Variants in NBPF14 observed in about 807,000 individuals in gnomAD.
NBPF14 encodes NBPF member 14, also known as NBPF family member NBPF14.
In NBPF14, 104 loss-of-function variants were observed where a neutral mutation model predicts 91.2. The ratio of observed to expected loss-of-function variants is 1.14; its 90% confidence interval spans 0.97 to 1.34. The LOEUF is 1.34. Ranked by LOEUF, NBPF14 falls within the 40% of genes most tolerant of loss-of-function variation. The probability of loss-of-function intolerance (pLI) is 0.00; values close to 1 mark genes in which losing one functional copy is unlikely to be tolerated. For synonymous variants in NBPF14, 294 were observed against 303.8 expected (o/e 0.97, Z 0.34); for missense variants, 908 against 783.0 (o/e 1.16, Z -1.91).
At chr1:148,586,829 A>G (rs1661611635) in intron 8 of NBPF14, among the ~76,000 whole-genome samples, 1 of 139,272 alleles carries the variant, frequency 7.2e-6, no homozygotes, top group Non-Finnish European at 1.6e-5. Context: ...CACTAGATAC[A>G]AAGCCATGTA....
intron 14 of NBPF14, among the ~76,000 whole-genome samples, 200 bp from the exon 15 acceptor site, chr1:148,577,555 C>T (rs1313260890): frequency 1.3e-5 from 2 of 149,940 alleles, no homozygotes; most frequent in African/African-American, 5.0e-5. Flanking sequence ...CACACACACA[C>T]ACACACACAC....
chr1:148,572,816 AGAGAC>A (rs1659342610), intron 20 of NBPF14, among the ~76,000 whole-genome samples: 3 of 44,984 alleles, frequency 6.7e-5, no homozygotes, highest in Admixed American at 2.5e-4. Context: ...AGACAGAGAC[AGAGAC>A]AGAGACAGAG....
At chr1:148,577,569 C>T (rs1226114029) in intron 14 of NBPF14, among the ~76,000 whole-genome samples, 2 of 150,970 alleles carry the variant, frequency 1.3e-5, no homozygotes, top group East Asian at 3.9e-4. Flanking sequence ...CACACACACA[C>T]ACACACACTC....
At chr1:148,553,447 C>T (rs1204682871) in intron 45 of NBPF14, 93 bp downstream of exon 45, 3 of 145,696 alleles carry the variant, frequency 2.1e-5, no homozygotes, top group Non-Finnish European at 3.0e-5. Flanking sequence ...GCAATGACGT[C>T]TCTCGGGTCA....
Position 148,566,377 on chromosome 1 carries a change from C to T in NBPF14, c.3543-62G>A, listed in dbSNP as rs1183345300. The T allele has an allele frequency of 5.4e-6, 4 of 743,906 alleles. No homozygotes were observed. In the African/African-American group the frequency reaches 5.5e-5, roughly 10 times the overall value. 46.1% of individuals were successfully genotyped at this position (743,906 alleles called of 1,614,324 possible). A position where few individuals can be genotyped will look rare whatever the true frequency, so the allele number is the denominator to read the frequency against. ...GAAATCAGACACAACAGAGCCTCAACTAGGTTTCATGGGTAGCATAGGGAA... is the reference window on the plus strand; with the variant it reads ...GAAATCAGACACAACAGAGCCTCAATTAGGTTTCATGGGTAGCATAGGGAA... On this transcript the variant is annotated intron_variant, in intron 28 of 70. Transcript: ENST00000619423.
At position 148,560,260 on chromosome 1, in the gene NBPF14, G is replaced by T. The variant is rs1362446198; in HGVS notation, c.4557-295C>A. On this transcript the variant is annotated intron_variant, in intron 36 of 70. Transcript: ENST00000619423. ...GTAAGGGAGTCAAAGGACACTCTGA[G>T]TTAGTGCCCTCATGACACACAGCAA... 4.4e-5 allele frequency among the ~76,000 whole-genome samples: 6 copies of T among 135,320 alleles called. No individual in the cohort carries two copies. The South Asian group carries it at 7.0e-4, about 16-fold the overall frequency. 88.8% of individuals were successfully genotyped at this position (135,320 alleles called of 152,430 possible).
At chr1:148,577,479 G>T in intron 14 of NBPF14, 124 bp from the exon 15 acceptor site, 1 of 691,058 alleles carries the variant, frequency 1.4e-6, no homozygotes, top group Non-Finnish European at 2.7e-6. Context: ...CATTAATGAG[G>T]TAACAAATTA....
rs1443957562 is a variant in NBPF14, at chr1:148,575,961, G to C, written c.2079-150C>G. On this transcript the variant is annotated intron_variant, in intron 16 of 70. Coordinates refer to ENST00000619423, the Ensembl canonical transcript of NBPF14. The stretch of plus-strand genomic sequence containing the variant: ...TAATGAATTATTGCCTTTATGTTGG[G>C]ATAGACCAGGGCCAGGTAGAAAAGA... 9 of 552,166 alleles carry C rather than the reference G, an allele frequency of 1.6e-5. No individual in the cohort carries two copies. The African/African-American group carries it at 2.0e-4, about 12-fold the overall frequency. 34.2% of individuals were successfully genotyped at this position (552,166 alleles called of 1,614,324 possible). A position where few individuals can be genotyped will look rare whatever the true frequency, so the allele number is the denominator to read the frequency against.
At position 148,559,755 on chromosome 1, in the gene NBPF14, T is replaced by A. The variant is rs1474510306; in HGVS notation, c.4729+38A>T. ...AGGAATATGACCCTAACCAGAAGAC[T>A]CAGTGGATCCTTATCACCTTCATAG... On this transcript the variant is annotated intron_variant, in intron 37 of 70. Transcript: ENST00000619423. 16 of 1,158,586 alleles carry A rather than the reference T, an allele frequency of 1.4e-5. 3 individuals are homozygous for A. In the East Asian group the frequency reaches 4.2e-4, roughly 30 times the overall value. The allele number at this position is 1,158,586 out of a possible 1,614,324, so 71.8% of individuals were successfully genotyped here.
In NBPF14 at chr1:148,592,714, C is replaced by A. The variant is rs1162988206; in HGVS notation, c.331G>T (p.Glu111Ter). ...GCATCTCTCCCTTCCCGTAACTTCT[C>A]CCTTAGCTGGGTCAGCTCTCGTTCC... is the stretch of plus-strand genomic sequence containing the variant. The change falls in exon 4 of 71, where the codon GAG becomes TAG. Residue 111 changes from glutamate to a stop codon, truncating the protein, a stop_gained. Transcript: ENST00000619423. LOFTEE classifies it high-confidence loss of function. 4.1e-4 allele frequency: 647 copies of A among 1,586,664 alleles called. 57 individuals are homozygous for A. Among genetic ancestry groups the A allele is most frequent in the Middle Eastern group, 1.8e-3 (8 of 4,380 alleles).
intron 14 of NBPF14, 105 bp from the exon 15 acceptor site, chr1:148,577,460 G>T (rs1242588548): frequency 4.4e-6 from 3 of 676,178 alleles, no homozygotes; most frequent in Middle Eastern, 3.9e-4. Context: ...AAAAGAAAAA[G>T]GACAGATCCA....
intron 8 of NBPF14, among the ~76,000 whole-genome samples, chr1:148,586,996 C>T (rs1661651088): frequency 3.4e-5 from 5 of 146,354 alleles, no homozygotes; most frequent in African/African-American, 9.9e-5. Context: ...GGTGATGGCA[C>T]ACCATTTTGA....
Position 148,595,287 on chromosome 1 carries a change from T to C in NBPF14, c.175+256A>G. Among the ~76,000 whole-genome samples, 2 of 148,058 alleles carry C rather than the reference T, an allele frequency of 1.4e-5. 1 individual carries two copies. The highest frequency in any genetic ancestry group is 3.0e-5 in the Non-Finnish European group (2 of 66,564). On this transcript the variant is annotated intron_variant, in intron 2 of 70. Coordinates refer to ENST00000619423, the Ensembl canonical transcript of NBPF14. Reference sequence around the variant, plus strand: ...GAGCCCCTTGGAGAAAACAGGTCATTCTGTGCCTGCGTTAGAAATCAATAA... The same window carrying C: ...GAGCCCCTTGGAGAAAACAGGTCATCCTGTGCCTGCGTTAGAAATCAATAA...
At chr1:148,566,576 A>T (rs1658438037) in intron 28 of NBPF14, among the ~76,000 whole-genome samples, 3 of 143,638 alleles carry the variant, frequency 2.1e-5, no homozygotes, top group Non-Finnish European at 4.7e-5. Flanking sequence ...GAGCTCAGTG[A>T]ATTGTCCAGG....
chr1:148,534,690 C>G (rs1347398943), exon 69 of NBPF14: 8 of 817,172 alleles, frequency 9.8e-6, no homozygotes, highest in African/African-American at 5.2e-5. Context: ...TCACTGTCCA[C>G]GTCAAGAGCC....
chr1:148,534,788 G>A (rs1392271444), exon 69 of NBPF14: 25 of 878,252 alleles, frequency 2.8e-5, no homozygotes, highest in Admixed American at 1.2e-4. Flanking sequence ...TGAAGGAGTC[G>A]AATAACATCT....
intron 69 of NBPF14, among the ~76,000 whole-genome samples, chr1:148,534,303 C>A (rs1350529602): frequency 1.3e-5 from 2 of 151,744 alleles, no homozygotes; most frequent in Non-Finnish European, 2.9e-5. Flanking sequence ...ATATTTAGCC[C>A]TGTCTCATCA....
At chr1:148,578,961 C>G (rs1660508086) in intron 13 of NBPF14, 113 bp downstream of exon 13, 1 of 670,766 alleles carries the variant, frequency 1.5e-6, no homozygotes, top group Admixed American at 2.1e-5. Flanking sequence ...TATATAGGTT[C>G]AGCCCACGGT....
chr1:148,535,280 G>A, intron 68 of NBPF14, among the ~76,000 whole-genome samples, 173 bp downstream of exon 68: 1 of 150,038 alleles, frequency 6.7e-6, no homozygotes, highest in Non-Finnish European at 1.5e-5. Context: ...AATGATAAGG[G>A]GAGGAAGAAA....
Sources: allele counts gnomAD v4.1 joint callset (sites outside exome capture counted in the v4.1 genomes callset), GRCh38; gene constraint gnomAD v4.1.1; transcripts MANE v1.5; gene names NCBI Gene and HGNC (gene_info 2026-07-23, HGNC 2026-07-21).